POLA1: variants seen among roughly 807,000 people sequenced by gnomAD.
The protein encoded by POLA1 is DNA polymerase alpha 1, catalytic subunit, also known as DNA polymerase alpha catalytic subunit.
A neutral mutation model predicts 124.0 loss-of-function variants in POLA1; 15 were observed. The observed-to-expected ratio is 0.12, with a 90% confidence interval of 0.08 to 0.19. The LOEUF (loss-of-function observed/expected upper bound fraction) is 0.19. Ranked by LOEUF, POLA1 falls within the 10% of genes least tolerant of loss-of-function variation. The probability of loss-of-function intolerance (pLI) is 1.00; values close to 1 mark genes in which losing one functional copy is unlikely to be tolerated. For missense variants in POLA1, 886 were observed against 1,103.4 expected (o/e 0.80, Z 2.79); for synonymous variants, 408 against 389.4 (o/e 1.05, Z -0.56).
intron 35 of POLA1, among the ~76,000 whole-genome samples, chrX:24,910,098 C>T (rs994655516): frequency 7.5e-5 from 8 of 107,351 alleles, no homozygotes; most frequent in African/African-American, 2.7e-4. Flanking sequence ...TATCCTGAGA[C>T]TTTGCTGAAG....
At chrX:24,697,023 G>C (rs1928055688) in intron 1 of POLA1, among the ~76,000 whole-genome samples, 1 of 111,171 alleles carries the variant, frequency 9.0e-6, no homozygotes, top group Non-Finnish European at 1.9e-5. Flanking sequence ...TGATTTTCCA[G>C]GCAAAATTAA....
intron 26 of POLA1, among the ~76,000 whole-genome samples, chrX:24,806,054 T>G (rs1164187662): frequency 3.9e-3 from 28 of 7,228 alleles, no homozygotes; most frequent in Non-Finnish European, 0.011. Flanking sequence ...TGGTATGAGG[T>G]TTTTTTTTTT....
At chrX:24,714,318 C>T (rs1275476038) in intron 4 of POLA1, among the ~76,000 whole-genome samples, 2 of 111,440 alleles carry the variant, frequency 1.8e-5, no homozygotes, top group Non-Finnish European at 3.8e-5. Flanking sequence ...CCACCATGCC[C>T]GGCTAATTTT....
intron 36 of POLA1, among the ~76,000 whole-genome samples, chrX:24,951,208 C>G (rs749246443): frequency 1.2e-5 from 1 of 80,950 alleles, no homozygotes; most frequent in African/African-American, 4.8e-5. Context: ...TGCACTTTGG[C>G]TGTCCCCTTC....
intron 36 of POLA1, among the ~76,000 whole-genome samples, chrX:24,977,943 T>A (rs1172620432): frequency 9.0e-6 from 1 of 111,464 alleles, no homozygotes; most frequent in African/African-American, 3.3e-5. Flanking sequence ...GAACCGGTCT[T>A]CACTCATACT....
At chrX:24,717,213 G>A (rs1229066877) in intron 8 of POLA1, 77 bp from the exon 9 acceptor site, 129 of 850,451 alleles carry the variant, frequency 1.5e-4, no homozygotes, top group Middle Eastern at 2.9e-4. Context: ...ATAAGCCTTT[G>A]TGCGCCTTTG....
chrX:24,807,453 A>G (rs1344551187), intron 26 of POLA1, among the ~76,000 whole-genome samples: 1 of 112,234 alleles, frequency 8.9e-6, no homozygotes, highest in African/African-American at 3.2e-5. Flanking sequence ...GGAATTGTCA[A>G]ATATTCTCCC....
intron 3 of POLA1, 62 bp from the exon 4 acceptor site, chrX:24,704,327 G>T: frequency 1.2e-6 from 1 of 865,355 alleles, no homozygotes; most frequent in Admixed American, 2.3e-5. Flanking sequence ...TTTTGGTCAT[G>T]GCTAAAATAT....
intron 32 of POLA1, among the ~76,000 whole-genome samples, chrX:24,835,620 C>T (rs1423460899): frequency 9.2e-6 from 1 of 108,927 alleles, no homozygotes; most frequent in Non-Finnish European, 1.9e-5. Context: ...GGCTTTTTGT[C>T]CTATAGAATT....
At chrX:24,930,636 C>T in intron 36 of POLA1, 87 bp downstream of exon 36, 5 of 602,349 alleles carry the variant, frequency 8.3e-6, no homozygotes, top group South Asian at 2.5e-5. Context: ...GCTGTTCATG[C>T]AGCATCACAT....
intron 26 of POLA1, among the ~76,000 whole-genome samples, chrX:24,786,505 T>TTTTTA (rs1247815633): frequency 4.6e-5 from 5 of 109,314 alleles, no homozygotes; most frequent in Admixed American, 4.0e-4. Flanking sequence ...TTATTTTTTA[T>TTTTTA]TTTTATTTTA....
intron 36 of POLA1, among the ~76,000 whole-genome samples, chrX:24,953,647 A>G (rs1186485569): frequency 2.7e-5 from 3 of 111,655 alleles, no homozygotes; most frequent in Non-Finnish European, 5.6e-5. Flanking sequence ...ACAGAAGATC[A>G]AGTTGGACAA....
At chrX:24,848,717 C>T (rs1031769602) in intron 34 of POLA1, among the ~76,000 whole-genome samples, 12 of 111,890 alleles carry the variant, frequency 1.1e-4, no homozygotes, top group Non-Finnish European at 5.6e-5. Flanking sequence ...TGGCTCCCAA[C>T]AATACTTGAA....
intron 1 of POLA1, among the ~76,000 whole-genome samples, chrX:24,694,846 T>A (rs1269374887): frequency 1.8e-5 from 2 of 112,411 alleles, no homozygotes; most frequent in Non-Finnish European, 3.8e-5. Flanking sequence ...GAGAACTCGC[T>A]TCCTAATCAG....
intron 29 of POLA1, among the ~76,000 whole-genome samples, chrX:24,814,763 C>A (rs1031027225): frequency 2.7e-5 from 3 of 111,393 alleles, no homozygotes; most frequent in Admixed American, 9.5e-5. Flanking sequence ...GGGTCAAACC[C>A]CACATTAGAA....
intron 36 of POLA1, among the ~76,000 whole-genome samples, chrX:24,962,972 A>G (rs1031530336): frequency 1.8e-5 from 2 of 111,917 alleles, no homozygotes; most frequent in African/African-American, 3.2e-5. Context: ...CTTCAATGAC[A>G]TAAAATCAAC....
At chrX:24,907,246 G>A (rs747024797) in intron 35 of POLA1, among the ~76,000 whole-genome samples, 1 of 110,630 alleles carries the variant, frequency 9.0e-6, no homozygotes, top group Non-Finnish European at 1.9e-5. Context: ...ACTGGGAGGG[G>A]GAAAAAGGAG....
chrX:24,814,918 A>G (rs769989236), intron 29 of POLA1, 61 bp from the exon 30 acceptor site: 27 of 1,000,419 alleles, frequency 2.7e-5, no homozygotes, highest in Admixed American at 1.9e-4. Context: ...CTCCTTTACT[A>G]GTAAAATATA....
At chrX:24,722,998 C>G (rs868330562) in intron 10 of POLA1, among the ~76,000 whole-genome samples, 157 bp from the exon 11 acceptor site, 8 of 112,550 alleles carry the variant, frequency 7.1e-5, no homozygotes, top group Admixed American at 2.8e-4. Context: ...GAGTAAAGAA[C>G]TGGTCTTGGG....
Sources: gnomAD v4.1 joint callset for allele counts (sites outside exome capture counted in the v4.1 genomes callset) on GRCh38, gnomAD v4.1.1 for gene constraint, MANE v1.5 for transcripts, NCBI Gene and HGNC (gene_info 2026-07-23, HGNC 2026-07-21) for gene names.